The following ASB14 variants were observed in gnomAD, a reference collection of about 807,000 sequenced individuals.
The protein encoded by ASB14 is ankyrin repeat and SOCS box protein 14.
In ASB14, 63 loss-of-function variants were observed where a neutral mutation model predicts 55.6. The ratio of observed to expected loss-of-function variants is 1.13; its 90% confidence interval spans 0.92 to 1.40. The LOEUF (loss-of-function observed/expected upper bound fraction) is 1.40. Among genes scored for constraint, ASB14 ranks in the 40% most tolerant of loss-of-function variants. The pLI is 0.00. For missense variants in ASB14, 724 were observed against 710.4 expected (o/e 1.02, Z -0.22); for synonymous variants, 256 against 259.9 (o/e 0.98, Z 0.15).
rs1357051782 is a variant in ASB14, at chr3:57,288,241, A to C, written c.224T>G (p.Phe75Cys). The C allele has an allele frequency of 1.2e-5, 19 of 1,536,754 alleles. No homozygotes were observed. Among genetic ancestry groups the C allele is most frequent in the Non-Finnish European group, 1.6e-5 (18 of 1,146,442 alleles). The stretch of plus-strand genomic sequence containing the variant: ...CCAGCCTATCTCATCTGCTTCACCA[A>C]ATGCGGAATGGTACTTGGTTAAGTG... ...LSHLTKYHSAFGEADEIGWIP... is the reference protein window; with the variant it reads ...LSHLTKYHSACGEADEIGWIP... Residue 75 changes from phenylalanine to cysteine, a missense_variant, in exon 4 of 11, where the codon TTT becomes TGT. Transcript: ENST00000487349.
intron 7 of ASB14, among the ~76,000 whole-genome samples, chr3:57,279,976 C>T (rs9816931): frequency 0.084 from 12,744 of 151,662 alleles, 1,798 homozygotes; most frequent in African/African-American, 0.29. Flanking sequence ...TGTCATTAAA[C>T]CTGTACTAAA....
At chr3:57,291,289 A>G (rs1408957646) in intron 2 of ASB14, among the ~76,000 whole-genome samples, 2 of 152,216 alleles carry the variant, frequency 1.3e-5, no homozygotes, top group African/African-American at 4.8e-5. Context: ...AAACTGGGTT[A>G]TCACCCCTGA....
intron 9 of ASB14, among the ~76,000 whole-genome samples, 179 bp from the exon 10 acceptor site, chr3:57,276,907 A>G (rs1035753199): frequency 5.9e-5 from 9 of 152,198 alleles, no homozygotes; most frequent in African/African-American, 2.2e-4. Context: ...TTCCAGAGCC[A>G]TGTCAAGTTA....
Position 57,276,556 on chromosome 3 carries a change from G to C in ASB14, c.1758C>G (p.Thr586=), listed in dbSNP as rs1479567501. 8.7e-6 allele frequency: 14 copies of C among 1,606,402 alleles called. No homozygotes were observed. The highest frequency in any genetic ancestry group is 2.2e-5 in the South Asian group (2 of 89,468). The change falls in exon 10 of 11, where the codon ACC becomes ACG. Residue 586 remains threonine (T), a synonymous_variant. Transcript: ENST00000487349. ...DLYGQGIFTG[T]W is the part of the protein sequence containing the mutation. ...TTCCATTAGAATGGTTTGATTACCAGGTTCCTGTAAAAATTCCTTGTCCAT... is the reference window on the plus strand; with the variant it reads ...TTCCATTAGAATGGTTTGATTACCACGTTCCTGTAAAAATTCCTTGTCCAT...
In ASB14 at chr3:57,268,939, A is replaced by G. The variant is rs1470501747; in HGVS notation, c.*702T>C. On this transcript the variant is annotated 3_prime_UTR_variant, in exon 11 of 11. Transcript: ENST00000487349. ...TTTAAAAGACAAATTTCAGAGCAAAACTTGAAGAATGCATTAAATGATCCA... is the reference window on the plus strand; with the variant it reads ...TTTAAAAGACAAATTTCAGAGCAAAGCTTGAAGAATGCATTAAATGATCCA... 6.5e-6 allele frequency: 1 copy of G among 152,716 alleles called. No individual in the cohort carries two copies. The highest frequency in any genetic ancestry group is 1.9e-4 in the East Asian group (1 of 5,224). The allele number at this position is 152,716 out of a possible 1,614,324, so 9.5% of individuals were successfully genotyped here.
In ASB14 at chr3:57,278,546, A is replaced by G. The variant is rs774444143; in HGVS notation, c.1262T>C (p.Leu421Ser). The G allele has an allele frequency of 1.2e-6, 2 of 1,614,228 alleles. No individual in the cohort carries two copies. The highest frequency in any genetic ancestry group is 8.5e-7 in the Non-Finnish European group (1 of 1,180,044). Residue 421 changes from leucine (L) to serine (S), a missense_variant, in exon 8 of 11, where the codon TTA becomes TCA. Physicochemically the swap from Leu to Ser is moderately radical, Grantham distance 145. Coordinates refer to ENST00000487349, the MANE Select transcript of ASB14 (RefSeq NM_001142733.3). ...NVNYFCRVNP[L>S]HFPSALQYTL... is the part of the protein sequence containing the mutation. Reference sequence around the variant, plus strand: ...GTATTGCAGTGCTGATGGGAAATGTAAAGGGTTAACTCTGCAGAAGTAATT... The same window carrying G: ...GTATTGCAGTGCTGATGGGAAATGTGAAGGGTTAACTCTGCAGAAGTAATT...
chr3:57,290,602 C>T (rs1462296251), intron 2 of ASB14, among the ~76,000 whole-genome samples: 1 of 152,196 alleles, frequency 6.6e-6, no homozygotes, highest in Non-Finnish European at 1.5e-5. Context: ...TTTTCTAATT[C>T]CTTCAAGTAC....
rs2061136645 is a variant in ASB14, at chr3:57,292,034, G to C, written c.-1C>G. The C allele has an allele frequency of 6.5e-7, 1 of 1,534,384 alleles. No individual in the cohort carries two copies. Among genetic ancestry groups the C allele is most frequent in the South Asian group, 1.2e-5 (1 of 83,936 alleles). ...CTTCATCGCTGGTGTAATTATCCATGTGAAACGTGGACAGGTTTACTTTAA... is the reference window on the plus strand; with the variant it reads ...CTTCATCGCTGGTGTAATTATCCATCTGAAACGTGGACAGGTTTACTTTAA... On this transcript the variant is annotated 5_prime_UTR_variant, in exon 2 of 11. Transcript: ENST00000487349.
intron 10 of ASB14, among the ~76,000 whole-genome samples, chr3:57,273,853 ATTAG>A (rs1416594518): frequency 1.3e-5 from 2 of 152,198 alleles, no homozygotes; most frequent in Admixed American, 1.3e-4. Flanking sequence ...TCTTATGTCA[ATTAG>A]TTACTTTCTT....
At chr3:57,281,823 T>C (rs1466490641) in intron 6 of ASB14, among the ~76,000 whole-genome samples, 2 of 152,194 alleles carry the variant, frequency 1.3e-5, no homozygotes, top group East Asian at 3.8e-4. Context: ...GATGCCATGT[T>C]GCCACTCTAG....
chr3:57,270,084 T>TG (rs1411513309), intron 10 of ASB14: 1 of 155,654 alleles, frequency 6.4e-6, no homozygotes, highest in Non-Finnish European at 1.4e-5. Flanking sequence ...TAGGAACATT[T>TG]TGCTGGTGAT....
At chr3:57,277,687 G>A (rs996289106) in intron 9 of ASB14, 80 bp downstream of exon 9, 4 of 1,259,124 alleles carry the variant, frequency 3.2e-6, no homozygotes, top group Non-Finnish European at 4.4e-6. Context: ...AGAAGAGAAG[G>A]GTGTTCTAAT....
intron 5 of ASB14, among the ~76,000 whole-genome samples, chr3:57,284,088 C>CTATGTGTGTGTGTGTGTGTG (rs1553640077): frequency 2.4e-5 from 1 of 41,368 alleles, no homozygotes; most frequent in Admixed American, 3.5e-4. Flanking sequence ...CTTGGGAACA[C>CTATGTGTGTGTGTGTGTGTG]TGTGTATGTG....
Position 57,280,342 on chromosome 3 carries a change from G to A in ASB14, c.847C>T (p.His283Tyr), listed in dbSNP as rs1273051986. The change falls in exon 7 of 11, where the codon CAC becomes TAC. Residue 283 changes from histidine (H) to tyrosine (Y), a missense_variant. Transcript: ENST00000487349. ...ADANIPKNSG[H>Y]LPIHVAADRG... ...TCAGCTGCCACATGGATGGGCAGGT[G>A]GCCTGAATTCTTAGGGATGTTGGCA... 2 of 1,550,686 alleles carry A rather than the reference G, an allele frequency of 1.3e-6. No individual in the cohort carries two copies. The highest frequency in any genetic ancestry group is 1.4e-5 in the African/African-American group (1 of 72,972).
At chr3:57,277,362 A>C (rs1300619865) in intron 9 of ASB14, among the ~76,000 whole-genome samples, 1 of 152,140 alleles carries the variant, frequency 6.6e-6, no homozygotes, top group Non-Finnish European at 1.5e-5. Context: ...ATAAATTATT[A>C]ATTTGTCTTA....
In ASB14 at chr3:57,268,433, G is replaced by T; in HGVS notation, c.*1208C>A. On this transcript the variant is annotated 3_prime_UTR_variant, in exon 11 of 11. Transcript: ENST00000487349. ...CATCAGAAAAACAAAAAGAAATAGA[G>T]AGAGTAAAAGAGAAGCAACAGAAAG... 1 of 1,599,244 alleles carries T rather than the reference G, an allele frequency of 6.3e-7. No individual in the cohort carries two copies. Among genetic ancestry groups the T allele is most frequent in the South Asian group, 1.1e-5 (1 of 90,004 alleles).
At chr3:57,283,485 C>CGA in intron 5 of ASB14, 46 bp from the exon 6 acceptor site, 1 of 1,516,026 alleles carries the variant, frequency 6.6e-7, no homozygotes, top group Admixed American at 2.0e-5. Flanking sequence ...GGAAGTTAAG[C>CGA]CCAAAGTAGC....
chr3:57,272,598 GA>G (rs142729232), intron 10 of ASB14: 17 of 150,296 alleles, frequency 1.1e-4, no homozygotes, highest in African/African-American at 3.4e-4. Context: ...TGAATAAAAT[GA>G]AAAAAAAAGT....
Position 57,288,212 on chromosome 3 carries a change from G to C in ASB14, c.253C>G (p.Pro85Ala). ...FGEADEIGWI[P>A]LHKAAVQLNR... is the part of the protein sequence containing the mutation. Reference sequence around the variant, plus strand: ...AATTGCACTGCAGCCTTATGCAGAGGAATCCAGCCTATCTCATCTGCTTCA... The same window carrying C: ...AATTGCACTGCAGCCTTATGCAGAGCAATCCAGCCTATCTCATCTGCTTCA... The change falls in exon 4 of 11, where the codon CCT becomes GCT. Residue 85 changes from proline to alanine, a missense_variant. Pro to Ala is a conservative substitution (Grantham distance 27). Coordinates refer to ENST00000487349, the MANE Select transcript of ASB14 (RefSeq NM_001142733.3). 5.9e-6 allele frequency: 9 copies of C among 1,536,862 alleles called. No homozygotes were observed. Among genetic ancestry groups the C allele is most frequent in the Non-Finnish European group, 7.9e-6 (9 of 1,146,492 alleles).
Sources: allele counts gnomAD v4.1 joint callset (sites outside exome capture counted in the v4.1 genomes callset), GRCh38; gene constraint gnomAD v4.1.1; transcripts MANE v1.5; gene names NCBI Gene and HGNC (gene_info 2026-07-23, HGNC 2026-07-21).